NMBR: variants seen among roughly 807,000 people sequenced by gnomAD.
NMBR encodes neuromedin B receptor, also known as neuromedin-B receptor.
NMBR carries 16 observed loss-of-function variants against 20.5 expected under a neutral mutation model. That is an observed-to-expected ratio of 0.78 (90% confidence interval 0.53 to 1.19). The LOEUF is 1.19. Among genes scored for constraint, NMBR ranks in the 50% most tolerant of loss-of-function variants. The pLI, the probability that NMBR is intolerant of heterozygous loss-of-function variation, is 0.00. For missense variants in NMBR, 582 were observed against 499.1 expected, an observed-to-expected ratio of 1.17 and a Z score of -1.58; for synonymous variants, 212 against 196.6, an observed-to-expected ratio of 1.08 and a Z score of -0.65.
chr6:142,088,786 A>G lies in NMBR; in HGVS notation c.-128T>C, dbSNP rs977013808. ...CCTGCAAGTTTACTGTCCGCGGGGC[A>G]AGCCTCACAGCACCACGTCCCTAAG... On this transcript the variant is annotated 5_prime_UTR_variant, in exon 2 of 4. Transcript: ENST00000258042. The G allele has an allele frequency of 1.5e-4, 121 of 809,522 alleles. 1 individual carries two copies. Among genetic ancestry groups the G allele is most frequent in the Non-Finnish European group, 2.2e-4 (114 of 523,046 alleles). 50.1% of individuals were successfully genotyped at this position (809,522 alleles called of 1,614,324 possible). A position where few individuals can be genotyped will look rare whatever the true frequency, so the allele number is the denominator to read the frequency against.
rs747389224 is a variant in NMBR, at chr6:142,079,086, AAGAG to A, written c.423-187_423-184del. ...AGAGAGAGAAAGAGAGAAAGAAAGA[AAGAG>A]AGAAAGAGAGAGAGAGAAAGAAAGA... On this transcript the variant is annotated intron_variant, in intron 2 of 3. Coordinates refer to ENST00000258042, the MANE Select transcript of NMBR (RefSeq NM_002511.4). 1.7e-4 allele frequency among the ~76,000 whole-genome samples: 19 copies of A among 112,686 alleles called. No homozygotes were observed. The Admixed American group carries it at 1.7e-3, about 10-fold the overall frequency. 73.9% of individuals were successfully genotyped at this position (112,686 alleles called of 152,430 possible). A position where few individuals can be genotyped will look rare whatever the true frequency, so the allele number is the denominator to read the frequency against.
At chr6:142,140,659 A>G (rs761103678) in intron 1 of NMBR, among the ~76,000 whole-genome samples, 25 of 152,064 alleles carry the variant, frequency 1.6e-4, no homozygotes, top group Non-Finnish European at 2.9e-5. Flanking sequence ...ATTAACAAGA[A>G]CCCCACTTTA....
intron 1 of NMBR, among the ~76,000 whole-genome samples, chr6:142,124,356 A>G (rs1777997254): frequency 6.6e-6 from 1 of 151,914 alleles, no homozygotes; most frequent in African/African-American, 2.4e-5. Context: ...CTCCATAATA[A>G]GAGTGAAAAT....
At chr6:142,122,154 G>C (rs1269216581) in intron 1 of NMBR, among the ~76,000 whole-genome samples, 1 of 151,838 alleles carries the variant, frequency 6.6e-6, no homozygotes, top group African/African-American at 2.4e-5. Context: ...ACCGCATTTT[G>C]TCCATGTTAC....
chr6:142,135,503 T>C (rs1778235930), intron 1 of NMBR, among the ~76,000 whole-genome samples: 1 of 152,062 alleles, frequency 6.6e-6, no homozygotes, highest in Non-Finnish European at 1.5e-5. Flanking sequence ...CTTTTATTTA[T>C]TATTATTATA....
intron 3 of NMBR, among the ~76,000 whole-genome samples, chr6:142,076,774 C>A (rs983162901): frequency 3.3e-5 from 5 of 152,070 alleles, no homozygotes; most frequent in South Asian, 2.1e-4. Flanking sequence ...TCAAGGGGTA[C>A]CTTACATTTG....
chr6:142,132,812 T>A (rs1778168666), intron 1 of NMBR, among the ~76,000 whole-genome samples: 1 of 152,190 alleles, frequency 6.6e-6, no homozygotes, highest in Non-Finnish European at 1.5e-5. Flanking sequence ...TGCAGAAGCG[T>A]TGAGTGCTCA....
At chr6:142,099,914 T>C (rs772745509) in intron 1 of NMBR, among the ~76,000 whole-genome samples, 49 of 152,142 alleles carry the variant, frequency 3.2e-4, no homozygotes, top group Non-Finnish European at 5.4e-4. Flanking sequence ...AACACCTTAA[T>C]AGACATCTCA....
At chr6:142,099,782 T>G (rs1777526585) in intron 1 of NMBR, among the ~76,000 whole-genome samples, 1 of 152,148 alleles carries the variant, frequency 6.6e-6, no homozygotes, top group African/African-American at 2.4e-5. Flanking sequence ...AAGACTAGGA[T>G]TTATGATCCA....
chr6:142,111,878 A>G (rs2114590406), intron 1 of NMBR, among the ~76,000 whole-genome samples: 1 of 152,332 alleles, frequency 6.6e-6, no homozygotes, highest in Non-Finnish European at 1.5e-5. Context: ...CCCCAACCCA[A>G]AAGTGAATGT....
intron 3 of NMBR, among the ~76,000 whole-genome samples, chr6:142,076,851 G>A (rs1407444562): frequency 6.6e-6 from 1 of 152,164 alleles, no homozygotes; most frequent in Non-Finnish European, 1.5e-5. Flanking sequence ...GAAAGACATT[G>A]GTAGTAGGTA....
chr6:142,113,555 C>T (rs1777806533), intron 1 of NMBR, among the ~76,000 whole-genome samples: 1 of 152,008 alleles, frequency 6.6e-6, no homozygotes, highest in Non-Finnish European at 1.5e-5. Context: ...AATAATAAAA[C>T]AATATAAAAT....
chr6:142,075,678 C>T lies in NMBR; in HGVS notation c.1143G>A (p.Gly381=), dbSNP rs768979787. 2 of 1,612,500 alleles carry T rather than the reference C, an allele frequency of 1.2e-6. No individual in the cohort carries two copies. Among genetic ancestry groups the T allele is most frequent in the Non-Finnish European group, 1.7e-6 (2 of 1,179,168 alleles). The change falls in exon 4 of 4, where the codon GGG becomes GGA. Residue 381 remains glycine, a synonymous_variant. Coordinates refer to ENST00000258042, the MANE Select transcript of NMBR (RefSeq NM_002511.4). ...NMVTNSVLLN[G]HSMKQEMAL is the part of the protein sequence containing the mutation. ...GTGCCATTTCCTGCTTCATGCTGTG[C>T]CCATTTAGTAAAACAGAATTGGTCA...
chr6:142,095,678 G>C (rs1317731146), intron 1 of NMBR, among the ~76,000 whole-genome samples: 1 of 152,178 alleles, frequency 6.6e-6, no homozygotes, highest in Non-Finnish European at 1.5e-5. Context: ...AAATGAGTTA[G>C]GGAGGATTCC....
chr6:142,108,328 TGA>T (rs1777696428), intron 1 of NMBR, among the ~76,000 whole-genome samples: 1 of 152,130 alleles, frequency 6.6e-6, no homozygotes, highest in Non-Finnish European at 1.5e-5. Context: ...AAAAGCAGCA[TGA>T]TAAAAATGAC....
At chr6:142,128,153 C>T (rs1778071002) in intron 1 of NMBR, among the ~76,000 whole-genome samples, 1 of 151,986 alleles carries the variant, frequency 6.6e-6, no homozygotes, top group South Asian at 2.1e-4. Flanking sequence ...TAGCAGCTCC[C>T]CACGCTTTCT....
intron 2 of NMBR, among the ~76,000 whole-genome samples, chr6:142,083,515 C>T (rs1777139854): frequency 6.6e-6 from 1 of 152,148 alleles, no homozygotes; most frequent in African/African-American, 2.4e-5. Context: ...TGGTTTGGCT[C>T]TGCATCCCCA....
chr6:142,112,872 TA>T (rs1160378305), intron 1 of NMBR, among the ~76,000 whole-genome samples: 1 of 66,298 alleles, frequency 1.5e-5, no homozygotes, highest in Admixed American at 1.3e-4. Context: ...ATATGATAAT[TA>T]ATTTGATTAA....
chr6:142,145,840 C>T (rs1655252259), intron 1 of NMBR, among the ~76,000 whole-genome samples: 1 of 152,090 alleles, frequency 6.6e-6, no homozygotes. Context: ...CATTTAGGAT[C>T]CCACCTAGAA....
Sources: allele counts gnomAD v4.1 joint callset (sites outside exome capture counted in the v4.1 genomes callset), GRCh38; gene constraint gnomAD v4.1.1; transcripts MANE v1.5; gene names NCBI Gene and HGNC (gene_info 2026-07-23, HGNC 2026-07-21).